The following EXT2 variants were observed in gnomAD, a reference collection of about 807,000 sequenced individuals.
EXT2 encodes exostosin glycosyltransferase 2, also known as exostosin-2.
A neutral mutation model predicts 81.6 loss-of-function variants in EXT2; 53 were observed. The observed-to-expected ratio is 0.65, with a 90% CI of 0.52 to 0.82. The LOEUF (loss-of-function observed/expected upper bound fraction) is 0.82. Among genes scored for constraint, EXT2 ranks in the 40% least tolerant of loss-of-function variants. The pLI is 0.00. For synonymous variants in EXT2, 320 were observed against 340.0 expected, an observed-to-expected ratio of 0.94 and a Z score of 0.65; for missense variants, 774 against 910.2, an observed-to-expected ratio of 0.85 and a Z score of 1.93.
chr11:44,110,877 A>G (rs1438803390), intron 3 of EXT2, among the ~76,000 whole-genome samples: 1 of 152,214 alleles, frequency 6.6e-6, no homozygotes, highest in Non-Finnish European at 1.5e-5. Context: ...GTAATGAATC[A>G]CCATCTAGTC....
At position 44,096,270 on chromosome 11, in the gene EXT2, G is replaced by T. The variant is rs1953894251; in HGVS notation, c.-31+418G>T. ...CCAGGGGGATGTCCTGCGCCTCAGG[G>T]TCCGGTGGTGGCCTGCGGCATCCCT... On this transcript the variant is annotated intron_variant, in intron 1 of 13. Coordinates refer to ENST00000533608, the MANE Select transcript of EXT2 (RefSeq NM_207122.2). 3 of 1,535,892 alleles carry T rather than the reference G, an allele frequency of 2.0e-6. No homozygotes were observed. The Admixed American group carries it at 5.9e-5, about 30-fold the overall frequency.
chr11:44,139,934 G>A (rs1467764723), intron 7 of EXT2, among the ~76,000 whole-genome samples: 1 of 152,182 alleles, frequency 6.6e-6, no homozygotes, highest in African/African-American at 2.4e-5. Flanking sequence ...GAAGAAAAAT[G>A]CCAGGCAGAA....
intron 6 of EXT2, 92 bp from the exon 7 acceptor site, chr11:44,129,953 T>G (rs1954466966): frequency 1.0e-6 from 1 of 981,332 alleles, no homozygotes; most frequent in Non-Finnish European, 1.6e-6. Context: ...TTTGGGATGT[T>G]GTTTCTGCTT....
chr11:44,174,729 A>G (rs373321916), intron 8 of EXT2, among the ~76,000 whole-genome samples: 44 of 152,228 alleles, frequency 2.9e-4, no homozygotes, highest in African/African-American at 1.1e-3. Context: ...CTTTTATCTA[A>G]TTGCATTGGC....
chr11:44,112,694 G>A (rs1954162808), intron 3 of EXT2, among the ~76,000 whole-genome samples: 4 of 152,184 alleles, frequency 2.6e-5, no homozygotes, highest in Non-Finnish European at 4.4e-5. Flanking sequence ...TCAGCGTAAG[G>A]CATGCTTCTG....
chr11:44,106,819 G>A (rs865902875), intron 1 of EXT2, among the ~76,000 whole-genome samples: 19 of 152,140 alleles, frequency 1.2e-4, no homozygotes, highest in African/African-American at 4.6e-4. Flanking sequence ...TAGTAGAGAC[G>A]GGTTTTGCCA....
At chr11:44,243,563 G>A (rs942463243) in intron 13 of EXT2, among the ~76,000 whole-genome samples, 3 of 149,016 alleles carry the variant, frequency 2.0e-5, no homozygotes, top group Admixed American at 6.7e-5. Flanking sequence ...CAGGCCCTCT[G>A]TCAATGTTGG....
chr11:44,215,947 G>A (rs1199818634), intron 10 of EXT2, among the ~76,000 whole-genome samples: 4 of 150,866 alleles, frequency 2.7e-5, no homozygotes, highest in African/African-American at 7.3e-5. Context: ...CGCAATCTCG[G>A]CTCACTGCAA....
intron 9 of EXT2, among the ~76,000 whole-genome samples, chr11:44,206,399 G>C (rs1830360154): frequency 6.6e-6 from 1 of 152,136 alleles, no homozygotes; most frequent in African/African-American, 2.4e-5. Flanking sequence ...TGAGAATGAG[G>C]TTATGCAGAC....
intron 2 of EXT2, 27 bp from the exon 3 acceptor site, chr11:44,109,167 T>C (rs375697636): frequency 1.1e-5 from 18 of 1,611,208 alleles, no homozygotes; most frequent in Non-Finnish European, 1.5e-5. Flanking sequence ...ACACATTAAT[T>C]CTCCTACATT....
intron 10 of EXT2, among the ~76,000 whole-genome samples, chr11:44,223,003 G>A (rs907693376): frequency 1.3e-5 from 2 of 152,100 alleles, no homozygotes; most frequent in Non-Finnish European, 2.9e-5. Flanking sequence ...CACTGAAGAG[G>A]ATATACAGGT....
chr11:44,231,403 T>C (rs1955897187), intron 10 of EXT2, among the ~76,000 whole-genome samples: 2 of 152,194 alleles, frequency 1.3e-5, no homozygotes, highest in South Asian at 4.1e-4. Flanking sequence ...GTTTTGGACG[T>C]GTTAGGTTTG....
intron 8 of EXT2, among the ~76,000 whole-genome samples, chr11:44,185,198 C>A (rs1177041944): frequency 6.6e-6 from 1 of 152,222 alleles, no homozygotes; most frequent in Non-Finnish European, 1.5e-5. Flanking sequence ...CCTGTTCCAG[C>A]ATGAGCGTTA....
intron 10 of EXT2, among the ~76,000 whole-genome samples, chr11:44,219,628 G>T (rs912301669): frequency 1.3e-5 from 2 of 152,188 alleles, no homozygotes; most frequent in African/African-American, 2.4e-5. Flanking sequence ...TCTTAAATAT[G>T]AAAATGTGCC....
intron 8 of EXT2, among the ~76,000 whole-genome samples, chr11:44,173,834 T>TGGGATTACA (rs1490179794): frequency 1.3e-5 from 2 of 152,282 alleles, no homozygotes; most frequent in East Asian, 3.9e-4. Flanking sequence ...CCCAAAGTGC[T>TGGGATTACA]GGGATTACAG....
intron 4 of EXT2, among the ~76,000 whole-genome samples, chr11:44,114,661 TTA>T (rs1481201550): frequency 6.6e-6 from 1 of 152,102 alleles, no homozygotes. Context: ...CTAGACCAGG[TTA>T]CTGTCATCTC....
chr11:44,165,103 C>T (rs886388509), intron 7 of EXT2, among the ~76,000 whole-genome samples: 6 of 152,106 alleles, frequency 3.9e-5, no homozygotes, highest in Non-Finnish European at 7.4e-5. Context: ...TGGTCTCGAT[C>T]TCCTGACCTC....
At chr11:44,122,249 A>G (rs1240212074) in intron 4 of EXT2, among the ~76,000 whole-genome samples, 1 of 152,190 alleles carries the variant, frequency 6.6e-6, no homozygotes, top group Non-Finnish European at 1.5e-5. Context: ...TTACTGAAAA[A>G]GTTTCTGATT....
intron 7 of EXT2, among the ~76,000 whole-genome samples, chr11:44,135,896 G>A (rs1954559580): frequency 1.3e-5 from 2 of 152,092 alleles, no homozygotes; most frequent in Non-Finnish European, 2.9e-5. Flanking sequence ...TGTAGTTTCT[G>A]TTTCTTCCCA....
Sources: allele counts gnomAD v4.1 joint callset (sites outside exome capture counted in the v4.1 genomes callset), GRCh38; gene constraint gnomAD v4.1.1; transcripts MANE v1.5; gene names NCBI Gene and HGNC (gene_info 2026-07-23, HGNC 2026-07-21).